Variants in SEMA3A observed in about 807,000 individuals in gnomAD.
SEMA3A encodes the protein semaphorin 3A, also known as semaphorin-3A.
A neutral mutation model predicts 97.9 loss-of-function variants in SEMA3A; 29 were observed. The ratio of observed to expected loss-of-function variants is 0.30; its 90% confidence interval spans 0.22 to 0.40. The LOEUF (loss-of-function observed/expected upper bound fraction) is 0.40, where lower values mean the gene tolerates loss of function less well. SEMA3A is among the 10% of genes least tolerant of loss of function. The pLI is 1.00. For missense variants in SEMA3A, 763 were observed against 951.3 expected (o/e 0.80, Z 2.60); for synonymous variants, 321 against 323.7 (o/e 0.99, Z 0.09).
In SEMA3A at chr7:83,957,732, G is replaced by A. The variant is rs1011770360; in HGVS notation, c.*3639C>T. On this transcript the variant is annotated 3_prime_UTR_variant, in exon 17 of 17. Transcript: ENST00000265362. ...ATTTTACAGATTTTTGAAAAATAATGTTTTCTTCTTTATGGAAACATGTAT... is the reference window on the plus strand; with the variant it reads ...ATTTTACAGATTTTTGAAAAATAATATTTTCTTCTTTATGGAAACATGTAT... 3.3e-5 allele frequency: 5 copies of A among 152,038 alleles called. No homozygotes were observed. The East Asian group carries it at 5.8e-4, about 18-fold the overall frequency. 9.4% of individuals were successfully genotyped at this position (152,038 alleles called of 1,614,324 possible). A position where few individuals can be genotyped will look rare whatever the true frequency, so the allele number is the denominator to read the frequency against.
intron 1 of SEMA3A, among the ~76,000 whole-genome samples, chr7:84,407,488 A>G (rs948887824): frequency 6.6e-6 from 1 of 152,112 alleles, no homozygotes; most frequent in African/African-American, 2.4e-5. Context: ...TTATAGATTC[A>G]ATGCCATCCA....
intron 3 of SEMA3A, among the ~76,000 whole-genome samples, chr7:84,237,069 C>T (rs1005174198): frequency 5.3e-5 from 8 of 151,898 alleles, no homozygotes; most frequent in African/African-American, 1.4e-4. Flanking sequence ...ATAAATAAAT[C>T]GGGAAAAGCA....
chr7:84,298,734 C>T lies in SEMA3A; in HGVS notation c.-83+8473G>A, dbSNP rs528147954. 3.9e-5 allele frequency among the ~76,000 whole-genome samples: 6 copies of T among 152,286 alleles called. No individual in the cohort carries two copies. In the South Asian group the frequency reaches 1.0e-3, roughly 26 times the overall value. ...TGTGATGGTTAATATTGAGGGTCAACTTGATTGGCTTAAAGAATGCAAAGT... is the reference window on the plus strand; with the variant it reads ...TGTGATGGTTAATATTGAGGGTCAATTTGATTGGCTTAAAGAATGCAAAGT... On this transcript the variant is annotated intron_variant, in intron 3 of 3. Coordinates refer to the SEMA3A transcript ENST00000424555.
At chr7:84,488,596 C>T (rs1052688618) in intron 1 of SEMA3A, among the ~76,000 whole-genome samples, 1 of 151,930 alleles carries the variant, frequency 6.6e-6, no homozygotes, top group Non-Finnish European at 1.5e-5. Flanking sequence ...GTTGGAAATA[C>T]CCTGAGGAGA....
chr7:83,978,855 G>A (rs6943412), intron 14 of SEMA3A, among the ~76,000 whole-genome samples: 23,814 of 152,090 alleles, frequency 0.16, 2,195 homozygotes, highest in Non-Finnish European at 0.21. Context: ...TAAAGACAGC[G>A]TGTCACTCAT....
intron 2 of SEMA3A, among the ~76,000 whole-genome samples, chr7:84,320,442 G>A (rs1010217157): frequency 2.6e-5 from 4 of 152,140 alleles, no homozygotes; most frequent in South Asian, 4.2e-4. Context: ...AAAAATCTAA[G>A]TAGTTGTTTC....
chr7:84,292,363 A>C (rs1023895225), intron 3 of SEMA3A, among the ~76,000 whole-genome samples: 2 of 152,036 alleles, frequency 1.3e-5, no homozygotes, highest in African/African-American at 2.4e-5. Context: ...ATTTCTGCTA[A>C]GCATTATTAT....
At chr7:83,964,871 A>T (rs10242925) in intron 15 of SEMA3A, among the ~76,000 whole-genome samples, 2,712 of 151,718 alleles carry the variant, frequency 0.018, 73 homozygotes, top group African/African-American at 0.062. Flanking sequence ...CCCCTCTGAG[A>T]TTATTAGTGC....
rs867211402 is a variant in SEMA3A at position 83,956,870 on chromosome 7, A to G, written c.*4501T>C. On this transcript the variant is annotated 3_prime_UTR_variant, in exon 17 of 17. Coordinates refer to ENST00000265362, the MANE Select transcript of SEMA3A (RefSeq NM_006080.3). ...CTGATTCACAGCTGGAAAGTCACTT[A>G]TTCTCTGAAGCACCCCATGATCTCT... 1.3e-5 allele frequency: 2 copies of G among 151,690 alleles called. No individual in the cohort carries two copies. Among genetic ancestry groups the G allele is most frequent in the Non-Finnish European group, 2.9e-5 (2 of 67,942 alleles). The allele number at this position is 151,690 out of a possible 1,614,324, so 9.4% of individuals were successfully genotyped here.
At chr7:84,390,961 A>G (rs1241743219) in intron 1 of SEMA3A, among the ~76,000 whole-genome samples, 2 of 152,138 alleles carry the variant, frequency 1.3e-5, no homozygotes, top group Admixed American at 1.3e-4. Flanking sequence ...AGCAAAGAGA[A>G]AAGTACATAT....
intron 3 of SEMA3A, among the ~76,000 whole-genome samples, chr7:84,288,931 C>T (rs938916775): frequency 1.3e-5 from 2 of 152,060 alleles, no homozygotes; most frequent in African/African-American, 4.8e-5. Flanking sequence ...TATTGGAGCA[C>T]TATTTGCAAT....
chr7:84,072,282 C>T (rs1159674796), intron 4 of SEMA3A, among the ~76,000 whole-genome samples: 1 of 151,964 alleles, frequency 6.6e-6, no homozygotes, highest in Non-Finnish European at 1.5e-5. Flanking sequence ...AATATTACCC[C>T]TCTGAAAAGG....
intron 1 of SEMA3A, among the ~76,000 whole-genome samples, chr7:84,135,505 C>CT (rs1187735947): frequency 3.3e-5 from 5 of 152,114 alleles, no homozygotes; most frequent in African/African-American, 9.7e-5. Context: ...AATAACTTGT[C>CT]TATACACACT....
At chr7:84,230,191 A>G (rs1799087477) in intron 3 of SEMA3A, among the ~76,000 whole-genome samples, 1 of 151,764 alleles carries the variant, frequency 6.6e-6, no homozygotes, top group Non-Finnish European at 1.5e-5. Context: ...CCCCATAATG[A>G]TCTTTGTTAA....
chr7:84,402,447 A>G (rs1002205477), intron 1 of SEMA3A, among the ~76,000 whole-genome samples: 4 of 152,308 alleles, frequency 2.6e-5, no homozygotes, highest in African/African-American at 9.6e-5. Flanking sequence ...CATTCCTCAA[A>G]AAACTATAAT....
upstream of SEMA3A, among the ~76,000 whole-genome samples, chr7:84,198,340 C>T (rs1202263094): frequency 6.6e-6 from 1 of 151,996 alleles, no homozygotes; most frequent in African/African-American, 2.4e-5. Flanking sequence ...GGATTACAGG[C>T]AACTGCCACC....
At chr7:84,260,730 G>A (rs572033350) in intron 3 of SEMA3A, among the ~76,000 whole-genome samples, 1 of 152,200 alleles carries the variant, frequency 6.6e-6, no homozygotes, top group African/African-American at 2.4e-5. Context: ...GAGGCCAAGG[G>A]GGGGACTGAG....
chr7:84,170,248 C>T (rs1164300324), intron 1 of SEMA3A, among the ~76,000 whole-genome samples: 4 of 151,832 alleles, frequency 2.6e-5, no homozygotes. Context: ...ATATTTTTCC[C>T]ATCTTTTTAT....
intron 2 of SEMA3A, among the ~76,000 whole-genome samples, chr7:84,324,700 T>G (rs1451834138): frequency 6.6e-6 from 1 of 152,162 alleles, no homozygotes; most frequent in South Asian, 2.1e-4. Context: ...CAATTTATTA[T>G]GAAGCACATG....
Sources: gnomAD v4.1 joint callset for allele counts (sites outside exome capture counted in the v4.1 genomes callset) on GRCh38, gnomAD v4.1.1 for gene constraint, MANE v1.5 for transcripts, NCBI Gene and HGNC (gene_info 2026-07-23, HGNC 2026-07-21) for gene names.